Variants in NIPSNAP1 observed in about 807,000 individuals in gnomAD.
NIPSNAP1 encodes the protein nipsnap homolog 1.
Under a neutral mutation model 49.2 loss-of-function variants are expected in NIPSNAP1, and 25 were observed. The ratio of observed to expected loss-of-function variants is 0.51; its 90% CI spans 0.37 to 0.71. The LOEUF is 0.71. Ranked by LOEUF, NIPSNAP1 falls within the 30% of genes least tolerant of loss-of-function variation. The pLI, the probability that NIPSNAP1 is intolerant of heterozygous loss-of-function variation, is 0.00. For synonymous variants in NIPSNAP1, 143 were observed against 140.7 expected, an observed-to-expected ratio of 1.02 and a Z score of -0.12; for missense variants, 294 against 361.0, an observed-to-expected ratio of 0.81 and a Z score of 1.50.
At chr22:29,569,139 G>T in intron 4 of NIPSNAP1, 54 bp downstream of exon 4, 1 of 1,456,828 alleles carries the variant, frequency 6.9e-7, no homozygotes, top group Non-Finnish European at 9.6e-7. Context: ...TGTGAAAGGT[G>T]CTGGAGGCCA....
chr22:29,578,794 A>C (rs1290490712), intron 1 of NIPSNAP1, among the ~76,000 whole-genome samples: 1 of 151,174 alleles, frequency 6.6e-6, no homozygotes, highest in South Asian at 2.1e-4. Flanking sequence ...ATCCAGGGTC[A>C]CTGAGTGAGG....
At chr22:29,567,577 G>C (rs1428682200) in intron 4 of NIPSNAP1, among the ~76,000 whole-genome samples, 3 of 152,142 alleles carry the variant, frequency 2.0e-5, no homozygotes, top group Non-Finnish European at 4.4e-5. Context: ...AATAGTCCAG[G>C]CACTGTGGCT....
At chr22:29,565,309 C>T (rs955096545) in intron 4 of NIPSNAP1, among the ~76,000 whole-genome samples, 15 of 151,792 alleles carry the variant, frequency 9.9e-5, no homozygotes, top group Admixed American at 2.6e-4. Flanking sequence ...GTCAGGAGTT[C>T]GAGACCAGCC....
intron 1 of NIPSNAP1, among the ~76,000 whole-genome samples, chr22:29,578,079 A>G (rs865890964): frequency 2.4e-4 from 36 of 149,918 alleles, no homozygotes; most frequent in Admixed American, 5.3e-4. Context: ...TGTATTTTTA[A>G]TAAAGACGGG....
intron 1 of NIPSNAP1, among the ~76,000 whole-genome samples, chr22:29,579,053 T>C (rs957409575): frequency 6.6e-6 from 1 of 151,034 alleles, no homozygotes; most frequent in African/African-American, 2.5e-5. Flanking sequence ...GTTCGTCAAG[T>C]GCTAGACACT....
intron 1 of NIPSNAP1, among the ~76,000 whole-genome samples, chr22:29,571,496 C>A (rs1435058124): frequency 1.3e-5 from 2 of 152,172 alleles, no homozygotes; most frequent in Admixed American, 6.5e-5. Flanking sequence ...GCTGCCAGCT[C>A]CTACTGGACC....
intron 4 of NIPSNAP1, among the ~76,000 whole-genome samples, chr22:29,565,482 C>T (rs1454854487): frequency 6.6e-6 from 1 of 152,044 alleles, no homozygotes; most frequent in Non-Finnish European, 1.5e-5. Context: ...CACTGCACTC[C>T]AGCCTGGGCA....
At chr22:29,569,678 TAAA>T (rs35756780) in intron 3 of NIPSNAP1, among the ~76,000 whole-genome samples, 7 of 140,236 alleles carry the variant, frequency 5.0e-5, no homozygotes, top group Admixed American at 7.2e-5. Context: ...GACCATCTCT[TAAA>T]AAAAAAAAAA....
intron 1 of NIPSNAP1, among the ~76,000 whole-genome samples, chr22:29,574,262 A>C (rs915705225): frequency 2.1e-4 from 13 of 62,380 alleles, no homozygotes; most frequent in African/African-American, 7.6e-4. Context: ...CCATCTTCAC[A>C]AAAAAAAAAA....
Position 29,561,817 on chromosome 22 carries a change from C to G in NIPSNAP1, c.413G>C (p.Cys138Ser). Residue 138 changes from cysteine (C) to serine (S), a missense_variant, in exon 5 of 10, where the codon TGC (cysteine) becomes TCC (serine). By Grantham distance (112) the Cys-to-Ser change is moderately radical. Transcript: ENST00000216121. Reference protein sequence around the residue: ...FSGGYPALMDCMNKLKNNKEY... With the variant: ...FSGGYPALMDSMNKLKNNKEY... ...CTTATTGTTTTTGAGCTTGTTCATG[C>G]AGTCCATGAGGGCTGGGTAGCCACC... 7.4e-6 allele frequency: 12 copies of G among 1,614,138 alleles called. No homozygotes were observed. The highest frequency in any genetic ancestry group is 1.0e-5 in the Non-Finnish European group (12 of 1,180,026).
At chr22:29,578,377 G>A (rs1429259204) in intron 1 of NIPSNAP1, among the ~76,000 whole-genome samples, 2 of 151,162 alleles carry the variant, frequency 1.3e-5, no homozygotes, top group Admixed American at 1.3e-4. Context: ...TCGCCATGTT[G>A]CCCAGGCTGG....
At chr22:29,556,058 T>C (rs1418982044) in intron 9 of NIPSNAP1, 59 bp from the exon 10 acceptor site, 7 of 1,449,610 alleles carry the variant, frequency 4.8e-6, no homozygotes, top group Non-Finnish European at 6.6e-6. Flanking sequence ...CAACCTCCCC[T>C]GGCCCCACCC....
chr22:29,580,267 G>A, intron 1 of NIPSNAP1: 1 of 1,273,524 alleles, frequency 7.9e-7, no homozygotes. Context: ...CAGGGCTGTG[G>A]GGACCAAGGA....
At chr22:29,580,082 G>T (rs1376812306) in intron 1 of NIPSNAP1, 1 of 1,303,870 alleles carries the variant, frequency 7.7e-7, no homozygotes, top group Admixed American at 2.3e-5. Flanking sequence ...TGGGGGAGGG[G>T]GAACAGGTGG....
chr22:29,568,092 C>A (rs2064379816), intron 4 of NIPSNAP1, among the ~76,000 whole-genome samples: 1 of 144,382 alleles, frequency 6.9e-6, no homozygotes, highest in African/African-American at 2.6e-5. Context: ...GGTGGGAGTA[C>A]TGCTTGAGCC....
At chr22:29,564,485 C>T in intron 4 of NIPSNAP1, 1 of 454,032 alleles carries the variant, frequency 2.2e-6, no homozygotes. Flanking sequence ...GTGATCTCAG[C>T]TCACTGCAAC....
rs1569247943 is a variant in NIPSNAP1 at position 29,570,096 on chromosome 22, CA to C, written c.272+65del. ...AAAGAACAGGGTGGAGGATGTTCCG[CA>C]AATTTGCTGAAAGTGTGTTCCCCAC... On this transcript the variant is annotated intron_variant, in intron 3 of 9. Coordinates refer to ENST00000216121, the MANE Select transcript of NIPSNAP1 (RefSeq NM_003634.4). 12 of 1,401,100 alleles carry C rather than the reference CA, an allele frequency of 8.6e-6. No individual in the cohort carries two copies. In the East Asian group the frequency reaches 2.7e-4, roughly 32 times the overall value. The allele number at this position is 1,401,100 out of a possible 1,614,324, so 86.8% of individuals were successfully genotyped here. A position where few individuals can be genotyped will look rare whatever the true frequency, so the allele number is the denominator to read the frequency against.
intron 1 of NIPSNAP1, among the ~76,000 whole-genome samples, chr22:29,576,928 A>G (rs1443051688): frequency 6.6e-6 from 1 of 150,572 alleles, no homozygotes; most frequent in Non-Finnish European, 1.5e-5. Flanking sequence ...CCGTCTCAAA[A>G]AAAAAAAAAA....
rs190067584 is a variant in NIPSNAP1, at chr22:29,560,938, C to G, written c.612-110G>C. The G allele has an allele frequency of 7.5e-4, 795 of 1,066,226 alleles. 7 individuals carry two copies. In the South Asian group the frequency reaches 8.2e-3, roughly 11 times the overall value. 66.0% of individuals were successfully genotyped at this position (1,066,226 alleles called of 1,614,324 possible). On this transcript the variant is annotated intron_variant, in intron 7 of 9. Coordinates refer to ENST00000216121, the MANE Select transcript of NIPSNAP1 (RefSeq NM_003634.4). ...AGGGGCCTAGGTGGAACCCACGGTC[C>G]TCCGGGATGCTGAGAGAAAGGACTG... is the stretch of plus-strand genomic sequence containing the variant.
Sources: gnomAD v4.1 joint callset for allele counts (sites outside exome capture counted in the v4.1 genomes callset) on GRCh38, gnomAD v4.1.1 for gene constraint, MANE v1.5 for transcripts, NCBI Gene and HGNC (gene_info 2026-07-23, HGNC 2026-07-21) for gene names.